Variants in GPHN observed in about 807,000 individuals in gnomAD.
The protein encoded by GPHN is gephyrin.
Under a neutral mutation model 95.5 loss-of-function variants are expected in GPHN, and 17 were observed. The observed-to-expected ratio is 0.18, with a 90% CI of 0.12 to 0.27. The LOEUF (loss-of-function observed/expected upper bound fraction) is 0.27, where lower values mean the gene tolerates loss of function less well. GPHN is among the 10% of genes least tolerant of loss of function. The pLI is 1.00. For synonymous variants in GPHN, 320 were observed against 322.5 expected (o/e 0.99, Z 0.08); for missense variants, 660 against 978.1 (o/e 0.67, Z 4.34).
At chr14:66,697,655 C>CCTGCTA in intron 2 of GPHN, among the ~76,000 whole-genome samples, 2 of 148,232 alleles carry the variant, frequency 1.3e-5, no homozygotes, top group Admixed American at 1.4e-4. Flanking sequence ...ATCTGGCCTG[C>CCTGCTA]TACTTGCCTT....
At chr14:67,726,194 A>C in the GPHN span, 3 of 1,175,480 alleles carry the variant, frequency 2.6e-6, no homozygotes, top group Admixed American at 5.0e-5. Flanking sequence ...AGGTACACCC[A>C]CTATCTTTTC....
At chr14:67,300,263 A>G in the GPHN span, among the ~76,000 whole-genome samples, 46,724 of 151,572 alleles carry the variant, frequency 0.31, 11,007 homozygotes, top group African/African-American at 0.64. Context: ...GTTTCATAGG[A>G]AAATTACTGA....
At chr14:67,587,555 G>T in the GPHN span, 1 of 358,486 alleles carries the variant, frequency 2.8e-6, no homozygotes, top group South Asian at 2.5e-5. Context: ...ATAAGTTAAG[G>T]CTTTCTGCAC....
intron 3 of GPHN, among the ~76,000 whole-genome samples, chr14:66,782,483 TC>T (rs2059638746): frequency 6.6e-6 from 1 of 152,120 alleles, no homozygotes; most frequent in Non-Finnish European, 1.5e-5. Flanking sequence ...TCCAGATCCT[TC>T]CTATTACTAC....
intron 14 of GPHN, among the ~76,000 whole-genome samples, chr14:67,110,641 T>C (rs2078312977): frequency 6.6e-6 from 1 of 152,160 alleles, no homozygotes; most frequent in Admixed American, 6.5e-5. Flanking sequence ...AGCTGAGAAA[T>C]TTGCCATTGA....
intron 13 of GPHN, among the ~76,000 whole-genome samples, chr14:67,102,297 T>C (rs1375855886): frequency 6.6e-6 from 1 of 152,178 alleles, no homozygotes; most frequent in African/African-American, 2.4e-5. Context: ...TTCCTTTCCC[T>C]GCTGCTTCCC....
At chr14:67,624,602 T>G in the GPHN span, among the ~76,000 whole-genome samples, 1 of 152,116 alleles carries the variant, frequency 6.6e-6, no homozygotes, top group Non-Finnish European at 1.5e-5. Context: ...AACTCTATCA[T>G]GAGACAGCAC....
chr14:66,985,717 T>C (rs2070983246), intron 9 of GPHN: 4 of 1,530,380 alleles, frequency 2.6e-6, no homozygotes, highest in Non-Finnish European at 3.5e-6. Flanking sequence ...AAGGAGTTGC[T>C]AGTAGAGTTG....
At chr14:67,651,819 T>TC in the GPHN span, 3 of 228,612 alleles carry the variant, frequency 1.3e-5, no homozygotes, top group Non-Finnish European at 2.6e-5. Context: ...TCAGGATGGG[T>TC]CCTGCCCTAG....
chr14:67,193,092 C>A, the GPHN span, among the ~76,000 whole-genome samples: 1 of 142,182 alleles, frequency 7.0e-6, no homozygotes, highest in Non-Finnish European at 1.5e-5. Context: ...CTATCTATAT[C>A]TCTATATATC....
intron 10 of GPHN, among the ~76,000 whole-genome samples, chr14:67,041,816 T>C (rs761770309): frequency 6.6e-6 from 1 of 152,224 alleles, no homozygotes; most frequent in Non-Finnish European, 1.5e-5. Flanking sequence ...ATGGTTGAAC[T>C]AATTTACACT....
Position 66,627,903 on chromosome 14 carries a change from T to C in GPHN, c.65-53204T>C, listed in dbSNP as rs554229118. Among the ~76,000 whole-genome samples, 68 of 152,298 alleles carry C rather than the reference T, an allele frequency of 4.5e-4. 1 individual carries two copies. Among genetic ancestry groups the C allele is most frequent in the South Asian group, 2.1e-3 (10 of 4,828 alleles). ...CATAGTTTTATTAAAGAAATCTCTCTTCTACCTACTGTTAGATACACCACC... is the reference window on the plus strand; with the variant it reads ...CATAGTTTTATTAAAGAAATCTCTCCTCTACCTACTGTTAGATACACCACC... On this transcript the variant is annotated intron_variant, in intron 1 of 22. Transcript: ENST00000478722.
the GPHN span, chr14:67,561,890 T>C: frequency 8.6e-7 from 1 of 1,165,700 alleles, no homozygotes; most frequent in Non-Finnish European, 1.2e-6. Context: ...AAAAAAAGAA[T>C]TGAAAAAATA....
chr14:66,927,080 G>C (rs554767210), intron 8 of GPHN, among the ~76,000 whole-genome samples: 2 of 152,152 alleles, frequency 1.3e-5, no homozygotes, highest in Admixed American at 6.5e-5. Flanking sequence ...TTGGCCAGGC[G>C]TGGTGGCTTA....
At chr14:66,898,466 TAAAAAAAAAAAAA>T (rs59434196) in intron 5 of GPHN, among the ~76,000 whole-genome samples, 2 of 91,766 alleles carry the variant, frequency 2.2e-5, no homozygotes, top group African/African-American at 9.6e-5. Flanking sequence ...GCTACTTGTT[TAAAAAAAAAAAAA>T]AAAAAAAAAA....
chr14:67,650,531 G>GTGTT, the GPHN span: 1 of 609,790 alleles, frequency 1.6e-6, no homozygotes, highest in East Asian at 2.7e-5. Context: ...TAGCACAACA[G>GTGTT]TGTTTTAACT....
intron 3 of GPHN, among the ~76,000 whole-genome samples, chr14:66,787,360 C>T (rs1422844053): frequency 2.0e-5 from 3 of 152,146 alleles, no homozygotes; most frequent in African/African-American, 7.2e-5. Context: ...AATAAAGACA[C>T]ATTCTGTGTT....
chr14:66,714,781 T>C (rs2070008782), intron 2 of GPHN, among the ~76,000 whole-genome samples: 2 of 152,250 alleles, frequency 1.3e-5, no homozygotes, highest in African/African-American at 4.8e-5. Context: ...ATCACATTTA[T>C]TGACTTGTGT....
the GPHN span, among the ~76,000 whole-genome samples, chr14:67,734,821 C>A: frequency 6.6e-6 from 1 of 152,174 alleles, no homozygotes; most frequent in Non-Finnish European, 1.5e-5. Context: ...TCTGCGTTAT[C>A]CCCATCTCCT....
Sources: gnomAD v4.1 joint callset for allele counts (sites outside exome capture counted in the v4.1 genomes callset) on GRCh38, gnomAD v4.1.1 for gene constraint, MANE v1.5 for transcripts, NCBI Gene and HGNC (gene_info 2026-07-23, HGNC 2026-07-21) for gene names.